PCDHGA1: variants seen among roughly 807,000 people sequenced by gnomAD.
The protein encoded by PCDHGA1 is protocadherin gamma subfamily A, 1.
In PCDHGA1, 32 loss-of-function variants were observed where a neutral mutation model predicts 58.0. The observed-to-expected ratio is 0.55, with a 90% confidence interval of 0.42 to 0.74. PCDHGA1 has a LOEUF of 0.74. PCDHGA1 is among the 30% of genes least tolerant of loss of function. The pLI is 0.00. For missense variants in PCDHGA1, 1,205 were observed against 1,182.3 expected (o/e 1.02, Z -0.28); for synonymous variants, 498 against 501.1 (o/e 0.99, Z 0.08).
rs992843398 is a variant in PCDHGA1 at position 141,374,547 on chromosome 5, T to C, written c.2421+41442T>C. On this transcript the variant is annotated intron_variant, in intron 1 of 3. Transcript: ENST00000517417. ...GCTCCATCCTCTCGTTTTCCACTAA[T>C]GGAGGTCTATGACCCTGATGTGGGA... 2.5e-6 allele frequency: 4 copies of C among 1,613,438 alleles called. No homozygotes were observed. The highest frequency in any genetic ancestry group is 1.7e-5 in the Admixed American group (1 of 60,028).
In PCDHGA1 at chr5:141,418,521, C is replaced by G. The variant is rs1246716171; in HGVS notation, c.2422-76286C>G. The G allele has an allele frequency of 3.7e-6, 6 of 1,613,840 alleles. No individual in the cohort carries two copies. The Admixed American group carries it at 1.0e-4, about 27-fold the overall frequency. On this transcript the variant is annotated intron_variant, in intron 1 of 3. Coordinates refer to ENST00000517417, the MANE Select transcript of PCDHGA1 (RefSeq NM_018912.3). ...ACCGCCTTAGATGGTGGGGACCCTC[C>G]CCGAAGCGGTACTGCTCAGATAAGA...
At chr5:141,348,834 G>A (rs1018080023) in intron 1 of PCDHGA1, among the ~76,000 whole-genome samples, 1 of 152,156 alleles carries the variant, frequency 6.6e-6, no homozygotes, top group Non-Finnish European at 1.5e-5. Flanking sequence ...TAGAGTATGA[G>A]TATGGGTGAG....
chr5:141,375,833 C>G, intron 1 of PCDHGA1: 1 of 1,614,152 alleles, frequency 6.2e-7, no homozygotes, highest in South Asian at 1.1e-5. Flanking sequence ...CTCCGCAGAG[C>G]CCGGCTACCT....
At chr5:141,447,837 G>A (rs952923627) in intron 1 of PCDHGA1, among the ~76,000 whole-genome samples, 10 of 152,170 alleles carry the variant, frequency 6.6e-5, no homozygotes, top group African/African-American at 2.4e-4. Flanking sequence ...TGTAATCCCA[G>A]TGCTTTGGGA....
At chr5:141,376,448 G>T (rs771215693) in intron 1 of PCDHGA1, 1 of 1,614,174 alleles carries the variant, frequency 6.2e-7, no homozygotes, top group Non-Finnish European at 8.5e-7. Flanking sequence ...TGAGAAAAGC[G>T]AGCCTCTTCT....
chr5:141,510,995 G>T lies in PCDHGA1; in HGVS notation c.2618G>T (p.Gly873Val). ...STLGGGAGTM[G>V]LSARYGPQFT... is the part of the protein sequence containing the mutation. ...CTGGGAGGGGGTGCCGGCACCATGG[G>T]ATTGAGCGCCCGCTACGGACCCCAG... is the stretch of plus-strand genomic sequence containing the variant. Residue 873 changes from glycine to valine, a missense_variant, in exon 4 of 4, where the codon GGA becomes GTA. Physicochemically the swap from Gly to Val is moderately radical, Grantham distance 109. Coordinates refer to ENST00000517417, the MANE Select transcript of PCDHGA1 (RefSeq NM_018912.3). The T allele has an allele frequency of 6.2e-7, 1 of 1,614,172 alleles. No individual in the cohort carries two copies. Among genetic ancestry groups the T allele is most frequent in the Non-Finnish European group, 8.5e-7 (1 of 1,180,018 alleles).
intron 1 of PCDHGA1, chr5:141,399,738 G>T: frequency 1.2e-6 from 2 of 1,613,268 alleles, no homozygotes; most frequent in South Asian, 2.2e-5. Flanking sequence ...GCTCGCCTGC[G>T]CTCAGCGCAA....
intron 1 of PCDHGA1, chr5:141,383,844 T>C (rs569088165): frequency 2.5e-6 from 4 of 1,613,924 alleles, no homozygotes; most frequent in Non-Finnish European, 3.4e-6. Context: ...CTGCCTTCTA[T>C]GAAATGGAGG....
chr5:141,349,884 T>G (rs1226395696), intron 1 of PCDHGA1, among the ~76,000 whole-genome samples: 1 of 152,194 alleles, frequency 6.6e-6, no homozygotes, highest in Non-Finnish European at 1.5e-5. Flanking sequence ...GGCCCTTATC[T>G]GATGATGACA....
intron 1 of PCDHGA1, chr5:141,433,063 G>T (rs1411651811): frequency 3.1e-6 from 5 of 1,614,176 alleles, no homozygotes; most frequent in Non-Finnish European, 4.2e-6. Flanking sequence ...AGAGTCACCT[G>T]ATCTTCCCCC....
At chr5:141,473,236 A>G (rs1314160781) in intron 1 of PCDHGA1, among the ~76,000 whole-genome samples, 1 of 152,200 alleles carries the variant, frequency 6.6e-6, no homozygotes, top group Non-Finnish European at 1.5e-5. Flanking sequence ...GGATCCACAC[A>G]AGTGAATACA....
intron 1 of PCDHGA1, chr5:141,385,185 C>T: frequency 1.2e-6 from 2 of 1,614,214 alleles, no homozygotes; most frequent in African/African-American, 1.3e-5. Context: ...TCACCGCGGA[C>T]TCTCGGAAGA....
chr5:141,345,770 T>G (rs3749774), intron 1 of PCDHGA1: 4 of 1,613,776 alleles, frequency 2.5e-6, no homozygotes, highest in Admixed American at 3.3e-5. Context: ...AGCTGGCGCC[T>G]CGCTCCGCAG....
rs763104309 is a variant in PCDHGA1, at chr5:141,432,042, G to A, written c.2422-62765G>A. 5 of 1,614,090 alleles carry A rather than the reference G, an allele frequency of 3.1e-6. No homozygotes were observed. The African/African-American group carries it at 6.7e-5, about 22-fold the overall frequency. ...ATCACAGTGACCGCCACTGACCGGG[G>A]AACCCCGCCCCTATCCACGGAAACT... On this transcript the variant is annotated intron_variant, in intron 1 of 3. Transcript: ENST00000517417. The surrounding 1 kb of genome is among the most constrained non-coding windows in gnomAD (Gnocchi z 6.0).
In PCDHGA1 at chr5:141,430,720, T is replaced by C. The variant is rs369549088; in HGVS notation, c.2422-64087T>C. On this transcript the variant is annotated intron_variant, in intron 1 of 3. Transcript: ENST00000517417. ...AAGGAACTGCTCCTGACTTCAGTGG[T>C]TAAGGGCAGAATTGAAAATAATTCT... The C allele has an allele frequency of 4.9e-4, 734 of 1,486,386 alleles. 1 individual carries two copies. Among genetic ancestry groups the C allele is most frequent in the Middle Eastern group, 9.1e-4 (5 of 5,506 alleles). The allele number at this position is 1,486,386 out of a possible 1,614,324, so 92.1% of individuals were successfully genotyped here.
At position 141,334,009 on chromosome 5, in the gene PCDHGA1, G is replaced by A. The variant is rs1756498094; in HGVS notation, c.2421+904G>A. The A allele has an allele frequency of 6.6e-6, 1 of 152,124 alleles. No individual in the cohort carries two copies. The highest frequency in any genetic ancestry group is 1.5e-5 in the Non-Finnish European group (1 of 68,034). The allele number at this position is 152,124 out of a possible 1,614,324, so 9.4% of individuals were successfully genotyped here. ...AATCAAGTATATATCCTATTTTAAT[G>A]TGTGTTAACTTTTCAGAAGAAAAAA... On this transcript the variant is annotated intron_variant, in intron 1 of 3. Transcript: ENST00000517417. The surrounding 1 kb of genome is among the most constrained non-coding windows in gnomAD (Gnocchi z 4.6).
At chr5:141,364,514 C>A in intron 1 of PCDHGA1, 2 of 1,614,006 alleles carry the variant, frequency 1.2e-6, no homozygotes, top group Non-Finnish European at 1.7e-6. Context: ...GCTGGCGGAG[C>A]GCGGAGTCCG....
Position 141,491,094 on chromosome 5 carries a change from G to C in PCDHGA1, c.2422-3713G>C, listed in dbSNP as rs1240705650. The C allele has an allele frequency of 1.9e-6, 3 of 1,614,202 alleles. No homozygotes were observed. Among genetic ancestry groups the C allele is most frequent in the Non-Finnish European group, 2.5e-6 (3 of 1,180,030 alleles). On this transcript the variant is annotated intron_variant, in intron 1 of 3. Coordinates refer to ENST00000517417, the MANE Select transcript of PCDHGA1 (RefSeq NM_018912.3). The surrounding 1 kb of genome is among the most constrained non-coding windows in gnomAD (Gnocchi z 6.9). The stretch of plus-strand genomic sequence containing the variant: ...TGCCACAGTCCACAGCCCCAGGACT[G>C]TTCCTCGTGTCTACACACACTGGTG...
At chr5:141,425,069 A>G (rs771114613) in intron 1 of PCDHGA1, among the ~76,000 whole-genome samples, 1 of 152,170 alleles carries the variant, frequency 6.6e-6, no homozygotes. Context: ...GACAAAAATA[A>G]TTTCAACTGT....
Sources: gnomAD v4.1 joint callset for allele counts (sites outside exome capture counted in the v4.1 genomes callset) on GRCh38, gnomAD v4.1.1 for gene constraint, Gnocchi (gnomAD v3.1) non-coding constraint, MANE v1.5 for transcripts, NCBI Gene and HGNC (gene_info 2026-07-23, HGNC 2026-07-21) for gene names.